Variants in DNAI4 observed in about 807,000 individuals in gnomAD.
DNAI4 encodes the protein dynein axonemal intermediate chain 4, also known as WD repeat domain 78.
In DNAI4, 85 loss-of-function variants were observed where a neutral mutation model predicts 105.8. That is an observed-to-expected ratio of 0.80 (90% confidence interval 0.67 to 0.96). DNAI4 has a LOEUF of 0.96. Among genes scored for constraint, DNAI4 ranks in the 40% least tolerant of loss-of-function variants. The probability of loss-of-function intolerance (pLI) is 0.00; values close to 1 mark genes in which losing one functional copy is unlikely to be tolerated. For synonymous variants in DNAI4, 352 were observed against 331.5 expected (o/e 1.06, Z -0.67); for missense variants, 1,014 against 1,005.6 (o/e 1.01, Z -0.11).
intron 6 of DNAI4, 60 bp from the exon 7 acceptor site, chr1:66,862,362 T>C (rs985336195): frequency 6.0e-6 from 9 of 1,503,968 alleles, no homozygotes; most frequent in Non-Finnish European, 8.2e-6. Flanking sequence ...ATTTTAGCTT[T>C]ATACATAACT....
intron 16 of DNAI4, among the ~76,000 whole-genome samples, chr1:66,821,769 T>C (rs1473755530): frequency 6.6e-6 from 1 of 152,092 alleles, no homozygotes; most frequent in Non-Finnish European, 1.5e-5. Flanking sequence ...TGTGCTAATA[T>C]TTACCAGATT....
At chr1:66,833,392 T>A (rs1645909825) in intron 13 of DNAI4, among the ~76,000 whole-genome samples, 193 bp downstream of exon 13, 1 of 152,056 alleles carries the variant, frequency 6.6e-6, no homozygotes, top group Non-Finnish European at 1.5e-5. Context: ...CATTCCCTAT[T>A]TTTCCCTCCC....
At chr1:66,815,291 A>G (rs1645492967) in intron 16 of DNAI4, among the ~76,000 whole-genome samples, 1 of 152,242 alleles carries the variant, frequency 6.6e-6, no homozygotes, top group Non-Finnish European at 1.5e-5. Context: ...ACCGTGTCAC[A>G]TAGTAAATAT....
At chr1:66,877,830 C>T (rs1271637593) in intron 4 of DNAI4, among the ~76,000 whole-genome samples, 1 of 151,618 alleles carries the variant, frequency 6.6e-6, no homozygotes, top group East Asian at 1.9e-4. Context: ...GAATGTCCTT[C>T]AATTTGTGAT....
At chr1:66,911,557 C>CA (rs1649657871) in intron 1 of DNAI4, among the ~76,000 whole-genome samples, 1 of 152,180 alleles carries the variant, frequency 6.6e-6, no homozygotes, top group African/African-American at 2.4e-5. Context: ...CTAGAAGGTA[C>CA]TAGTCATGGT....
chr1:66,822,136 C>T lies in DNAI4; in HGVS notation c.2496+225G>A, dbSNP rs146156726. ...TAATATTTACAATTATTTTGCTCAC[C>T]AACATTATTATTCTCATTATCTTTT... On this transcript the variant is annotated intron_variant, in intron 16 of 16. Transcript: ENST00000371026. Among the ~76,000 whole-genome samples the T allele has an allele frequency of 7.4e-4, 112 of 150,988 alleles. 1 individual carries two copies. Among genetic ancestry groups the T allele is most frequent in the African/African-American group, 2.6e-3 (107 of 41,110 alleles).
chr1:66,838,894 G>T (rs1256542110), intron 9 of DNAI4, among the ~76,000 whole-genome samples: 1 of 152,122 alleles, frequency 6.6e-6, no homozygotes, highest in Non-Finnish European at 1.5e-5. Flanking sequence ...TATAGGCAGG[G>T]TCTATGTATA....
intron 16 of DNAI4, among the ~76,000 whole-genome samples, chr1:66,820,912 C>A (rs1645611001): frequency 6.6e-6 from 1 of 151,986 alleles, no homozygotes; most frequent in African/African-American, 2.4e-5. Context: ...TTTCCCTGGC[C>A]ACATTTCCTT....
chr1:66,833,654 T>C lies in DNAI4; in HGVS notation c.1944A>G (p.Glu648=), dbSNP rs1427534325. 11 of 1,613,500 alleles carry C rather than the reference T, an allele frequency of 6.8e-6. No individual in the cohort carries two copies. The highest frequency in any genetic ancestry group is 9.3e-6 in the Non-Finnish European group (11 of 1,179,630). ...TCAAAGCTTCATCTTTCTTTTCCTT[T>C]TCCCCTCCTTTTTTGTTACTGGCAG... ...TTAASNKKGG[E]KEKKDEALIS... The change falls in exon 13 of 17, where the codon GAA becomes GAG. Residue 648 remains glutamate (E), a synonymous_variant. Coordinates refer to ENST00000371026, the MANE Select transcript of DNAI4 (RefSeq NM_024763.5).
intron 7 of DNAI4, among the ~76,000 whole-genome samples, chr1:66,852,352 A>G (rs1180294385): frequency 1.3e-5 from 2 of 152,004 alleles, no homozygotes; most frequent in African/African-American, 4.8e-5. Context: ...AAAAATAGAA[A>G]AGGAAAGAAT....
At chr1:66,918,677 G>A (rs1488570388) in intron 1 of DNAI4, among the ~76,000 whole-genome samples, 2 of 152,036 alleles carry the variant, frequency 1.3e-5, no homozygotes, top group Non-Finnish European at 2.9e-5. Context: ...TTCACAATCT[G>A]CTAAAAATGA....
At chr1:66,912,709 T>G (rs540519728) in intron 1 of DNAI4, among the ~76,000 whole-genome samples, 16 of 152,296 alleles carry the variant, frequency 1.1e-4, no homozygotes, top group Admixed American at 5.2e-4. Context: ...CATGCTCAAC[T>G]TTGGCCAGAT....
intron 1 of DNAI4, among the ~76,000 whole-genome samples, chr1:66,907,304 C>T (rs1649332120): frequency 6.6e-6 from 1 of 152,196 alleles, no homozygotes; most frequent in Non-Finnish European, 1.5e-5. Flanking sequence ...AATCACCTGA[C>T]CTTTCCATTT....
At chr1:66,869,658 A>G (rs1252032218) in intron 6 of DNAI4, among the ~76,000 whole-genome samples, 1 of 152,222 alleles carries the variant, frequency 6.6e-6, no homozygotes, top group African/African-American at 2.4e-5. Flanking sequence ...CTGACAAGGA[A>G]TAAAACAGAG....
intron 1 of DNAI4, among the ~76,000 whole-genome samples, chr1:66,923,209 A>G (rs1198279979): frequency 6.6e-6 from 1 of 152,238 alleles, no homozygotes; most frequent in Admixed American, 6.5e-5. Flanking sequence ...CAACAAATGC[A>G]TTTTCATCAT....
At chr1:66,864,942 G>T (rs1646701557) in intron 6 of DNAI4, among the ~76,000 whole-genome samples, 1 of 152,138 alleles carries the variant, frequency 6.6e-6, no homozygotes, top group Non-Finnish European at 1.5e-5. Context: ...GTGTACAGGG[G>T]GCTTCTAATC....
chr1:66,902,613 T>G (rs892263753), intron 2 of DNAI4, among the ~76,000 whole-genome samples: 1 of 152,212 alleles, frequency 6.6e-6, no homozygotes. Context: ...TGTTGTCATA[T>G]GCAAGAAATT....
chr1:66,902,815 C>T (rs1330406332), intron 2 of DNAI4, among the ~76,000 whole-genome samples: 1 of 152,224 alleles, frequency 6.6e-6, no homozygotes, highest in Non-Finnish European at 1.5e-5. Flanking sequence ...TTCTCCATTG[C>T]ATAATCTTGG....
At chr1:66,910,251 TAAATA>T (rs1320082337) in intron 1 of DNAI4, among the ~76,000 whole-genome samples, 1 of 151,990 alleles carries the variant, frequency 6.6e-6, no homozygotes, top group African/African-American at 2.4e-5. Flanking sequence ...AAAATAAAAA[TAAATA>T]AAATAAAATA....
Sources: gnomAD v4.1 joint callset for allele counts (sites outside exome capture counted in the v4.1 genomes callset) on GRCh38, gnomAD v4.1.1 for gene constraint, MANE v1.5 for transcripts, NCBI Gene and HGNC (gene_info 2026-07-23, HGNC 2026-07-21) for gene names.